NOL4: variants seen among roughly 807,000 people sequenced by gnomAD.
The protein encoded by NOL4 is nucleolar protein 4.
NOL4 carries 17 observed loss-of-function variants against 75.9 expected under a neutral mutation model. The ratio of observed to expected loss-of-function variants is 0.22; its 90% CI spans 0.15 to 0.34. The LOEUF (loss-of-function observed/expected upper bound fraction) is 0.34. Ranked by LOEUF, NOL4 falls within the 10% of genes least tolerant of loss-of-function variation. NOL4 has a pLI of 1.00. For synonymous variants in NOL4, 292 were observed against 289.9 expected (o/e 1.01, Z -0.07); for missense variants, 614 against 793.5 (o/e 0.77, Z 2.72).
chr18:34,106,236 A>C (rs1397117588), intron 2 of NOL4, among the ~76,000 whole-genome samples: 1 of 152,096 alleles, frequency 6.6e-6, no homozygotes, highest in Non-Finnish European at 1.5e-5. Flanking sequence ...AATGGGTGCT[A>C]GTTCTCTTAG....
At chr18:33,888,339 T>C (rs1163880925) in intron 9 of NOL4, among the ~76,000 whole-genome samples, 1 of 152,196 alleles carries the variant, frequency 6.6e-6, no homozygotes, top group African/African-American at 2.4e-5. Flanking sequence ...GATGGGTAGA[T>C]TGCAAAGATT....
chr18:33,857,267 G>C (rs2062880007), intron 10 of NOL4, among the ~76,000 whole-genome samples: 1 of 151,986 alleles, frequency 6.6e-6, no homozygotes, highest in African/African-American at 2.4e-5. Flanking sequence ...TGCTGAGTCT[G>C]TGGTATGTGC....
intron 6 of NOL4, among the ~76,000 whole-genome samples, chr18:33,986,563 T>G (rs946934030): frequency 6.6e-5 from 10 of 152,078 alleles, no homozygotes; most frequent in African/African-American, 2.4e-4. Context: ...TTTCTGAAAT[T>G]TTGCATTCAA....
At chr18:33,968,940 TTCTG>T (rs1158186419) in intron 6 of NOL4, among the ~76,000 whole-genome samples, 4 of 152,226 alleles carry the variant, frequency 2.6e-5, no homozygotes, top group Non-Finnish European at 5.9e-5. Flanking sequence ...TCAGTCTTTA[TTCTG>T]TCTAATGAAA....
chr18:34,074,121 A>G (rs73416382), intron 5 of NOL4, among the ~76,000 whole-genome samples: 23,084 of 151,774 alleles, frequency 0.15, 1,932 homozygotes, highest in Middle Eastern at 0.21. Flanking sequence ...GAGAATAGTC[A>G]AAGAATTGTA....
intron 8 of NOL4, among the ~76,000 whole-genome samples, chr18:33,952,179 A>T (rs2069279346): frequency 6.6e-6 from 1 of 152,156 alleles, no homozygotes; most frequent in Non-Finnish European, 1.5e-5. Flanking sequence ...TGAAGAGAAC[A>T]TACCCCATGA....
intron 1 of NOL4, among the ~76,000 whole-genome samples, chr18:34,214,433 AT>A (rs2036736629): frequency 6.6e-6 from 1 of 152,154 alleles, no homozygotes; most frequent in African/African-American, 2.4e-5. Context: ...GAAACCAGTG[AT>A]TTAAAGCAAG....
At chr18:34,130,082 C>T (rs1029059211) in intron 1 of NOL4, 62 bp from the exon 2 acceptor site, 26 of 1,386,156 alleles carry the variant, frequency 1.9e-5, no homozygotes, top group African/African-American at 3.0e-5. Context: ...GCATTTAATA[C>T]ACAAATTGTT....
At chr18:33,863,095 A>G (rs1178477969) in intron 10 of NOL4, among the ~76,000 whole-genome samples, 1 of 152,228 alleles carries the variant, frequency 6.6e-6, no homozygotes, top group East Asian at 1.9e-4. Context: ...GCAGCCATAA[A>G]AAATGATGAG....
At chr18:34,190,405 A>C (rs73955472) in intron 1 of NOL4, among the ~76,000 whole-genome samples, 2,382 of 152,134 alleles carry the variant, frequency 0.016, 68 homozygotes, top group African/African-American at 0.055. Flanking sequence ...GTATCTCCCA[A>C]ATACTATTAT....
At chr18:34,121,182 T>G (rs946853003) in intron 2 of NOL4, 3 of 152,248 alleles carry the variant, frequency 2.0e-5, no homozygotes, top group Non-Finnish European at 4.4e-5. Flanking sequence ...AGTCATTGTT[T>G]ATAGAATTAC....
intron 9 of NOL4, among the ~76,000 whole-genome samples, chr18:33,888,522 G>A (rs928109233): frequency 2.0e-5 from 3 of 152,022 alleles, no homozygotes; most frequent in Non-Finnish European, 4.4e-5. Context: ...GTAGTGCCTA[G>A]GTTTTCTTCT....
chr18:33,982,417 T>C (rs2072040017), intron 6 of NOL4, among the ~76,000 whole-genome samples: 1 of 152,128 alleles, frequency 6.6e-6, no homozygotes, highest in African/African-American at 2.4e-5. Flanking sequence ...GCTATACTAA[T>C]TTCAGATGGA....
intron 1 of NOL4, among the ~76,000 whole-genome samples, chr18:34,153,625 G>C (rs1391143020): frequency 6.6e-6 from 1 of 151,970 alleles, no homozygotes; most frequent in Non-Finnish European, 1.5e-5. Flanking sequence ...GATCATTTCA[G>C]TAGGTCAGGT....
intron 5 of NOL4, among the ~76,000 whole-genome samples, chr18:34,021,279 A>T (rs1057387194): frequency 2.0e-5 from 3 of 152,198 alleles, no homozygotes; most frequent in Non-Finnish European, 4.4e-5. Flanking sequence ...AAGGCTTCCT[A>T]AAGAAGGTGA....
chr18:34,107,696 CT>C (rs977467692), intron 2 of NOL4, among the ~76,000 whole-genome samples: 5 of 147,622 alleles, frequency 3.4e-5, no homozygotes, highest in South Asian at 4.3e-4. Flanking sequence ...AAAAAAAAAA[CT>C]TTTTTCCCTA....
At chr18:33,988,622 T>C (rs117543366) in intron 6 of NOL4, among the ~76,000 whole-genome samples, 2,354 of 152,086 alleles carry the variant, frequency 0.015, 47 homozygotes, top group Non-Finnish European at 0.018. Flanking sequence ...CAACCCAGTA[T>C]AGATGATGTA....
intron 10 of NOL4, among the ~76,000 whole-genome samples, chr18:33,875,233 A>G (rs144558980): frequency 6.5e-4 from 99 of 152,164 alleles, no homozygotes; most frequent in African/African-American, 2.2e-3. Context: ...TTCCTGATAG[A>G]AAGAAAGCAG....
intron 6 of NOL4, among the ~76,000 whole-genome samples, chr18:33,986,865 C>G (rs533886614): frequency 6.6e-6 from 1 of 152,068 alleles, no homozygotes; most frequent in African/African-American, 2.4e-5. Flanking sequence ...GGAGAAAGCA[C>G]AAATGTGCTT....
Sources: gnomAD v4.1 joint callset for allele counts (sites outside exome capture counted in the v4.1 genomes callset) on GRCh38, gnomAD v4.1.1 for gene constraint, MANE v1.5 for transcripts, NCBI Gene and HGNC (gene_info 2026-07-23, HGNC 2026-07-21) for gene names.